Variants in PLSCR2 observed in about 807,000 individuals in gnomAD.
The protein encoded by PLSCR2 is phospholipid scramblase 2, also known as PL scramblase 2.
In PLSCR2, 18 loss-of-function variants were observed where a neutral mutation model predicts 25.3. The ratio of observed to expected loss-of-function variants is 0.71; its 90% CI spans 0.49 to 1.06. PLSCR2 has a LOEUF of 1.06. Among genes scored for constraint, PLSCR2 ranks in the 50% least tolerant of loss-of-function variants. The pLI is 0.00. For synonymous variants in PLSCR2, 88 were observed against 87.3 expected (o/e 1.01, Z -0.04); for missense variants, 243 against 269.5 (o/e 0.90, Z 0.69).
intron 1 of PLSCR2, among the ~76,000 whole-genome samples, chr3:146,481,850 CA>C (rs2043142054): frequency 6.6e-6 from 1 of 152,122 alleles, no homozygotes; most frequent in Admixed American, 6.6e-5. Context: ...TTACAGTAAC[CA>C]AAACAGCATG....
intron 3 of PLSCR2, 121 bp from the exon 4 acceptor site, chr3:146,455,580 GT>G (rs1425133300): frequency 1.6e-6 from 1 of 643,674 alleles, no homozygotes; most frequent in African/African-American, 1.8e-5. Context: ...AAAAGGAATG[GT>G]ATTTAGAGTT....
At chr3:146,438,813 C>T (rs147211605), downstream of PLSCR2, among the ~76,000 whole-genome samples, 1,853 of 152,208 alleles carry the variant, frequency 0.012, 36 homozygotes, top group African/African-American at 0.043. Context: ...TTGAACCTGT[C>T]ATTATGATGT....
intron 1 of PLSCR2, among the ~76,000 whole-genome samples, chr3:146,489,352 G>T (rs115836553): frequency 5.0e-4 from 76 of 152,162 alleles, no homozygotes; most frequent in African/African-American, 1.7e-3. Flanking sequence ...AAACAGCTAT[G>T]TGGGGAAACG....
intron 3 of PLSCR2, among the ~76,000 whole-genome samples, chr3:146,393,519 TA>T (rs2038167024): frequency 1.3e-5 from 2 of 151,734 alleles, no homozygotes; most frequent in African/African-American, 4.8e-5. Context: ...AATTGTTTGA[TA>T]AAAAGTTCAG....
At chr3:146,485,018 T>C (rs1279150599) in intron 1 of PLSCR2, among the ~76,000 whole-genome samples, 3 of 151,940 alleles carry the variant, frequency 2.0e-5, no homozygotes, top group African/African-American at 7.3e-5. Flanking sequence ...TTGAGACCCA[T>C]TGGTGTGCTG....
chr3:146,433,909 G>T (rs1484943062), intron 8 of PLSCR2, among the ~76,000 whole-genome samples: 1 of 152,180 alleles, frequency 6.6e-6, no homozygotes. Flanking sequence ...GGGGAGAGTG[G>T]CTGTTGGAGG....
Position 146,495,149 on chromosome 3 carries a change from G to A in PLSCR2, c.-293+746C>T, listed in dbSNP as rs2043702150. 4.6e-5 allele frequency: 7 copies of A among 152,266 alleles called. No homozygotes were observed. The South Asian group carries it at 1.4e-3, about 32-fold the overall frequency. The allele number at this position is 152,266 out of a possible 1,614,324, so 9.4% of individuals were successfully genotyped here. ...GGGTCAGACATATTTCATATACATG[G>A]TGATTTTCAAGTTAGATGTAAGATG... On this transcript the variant is annotated intron_variant, in intron 1 of 8. Transcript: ENST00000336685.
chr3:146,434,022 C>G (rs2039671073), intron 8 of PLSCR2, among the ~76,000 whole-genome samples: 3 of 152,142 alleles, frequency 2.0e-5, no homozygotes, highest in African/African-American at 7.2e-5. Flanking sequence ...TCAATCTTCC[C>G]TACAAAACAA....
intron 2 of PLSCR2, among the ~76,000 whole-genome samples, chr3:146,424,994 G>GTA (rs920474952): frequency 0.011 from 350 of 30,864 alleles, 3 homozygotes; most frequent in African/African-American, 0.024. Flanking sequence ...TGGAACCTCA[G>GTA]TATATATATA....
chr3:146,448,584 C>G (rs925307377), intron 6 of PLSCR2, among the ~76,000 whole-genome samples: 29 of 152,170 alleles, frequency 1.9e-4, no homozygotes, highest in African/African-American at 7.0e-4. Flanking sequence ...TTTCCATAAA[C>G]CTCAACTTTG....
rs144050323 is a variant in PLSCR2 at position 146,417,906 on chromosome 3, T to G, written c.101-21985A>C. 3.9e-5 allele frequency among the ~76,000 whole-genome samples: 6 copies of G among 152,272 alleles called. No homozygotes were observed. The East Asian group carries it at 1.2e-3, about 29-fold the overall frequency. The stretch of plus-strand genomic sequence containing the variant: ...AAAAAAATCAACACAAATGTACTGC[T>G]TTACAATTTCTGGTGGTCAGAAGTT... On this transcript the variant is annotated intron_variant and NMD_transcript_variant, in intron 2 of 3. Transcript: ENST00000463633.
intron 3 of PLSCR2, among the ~76,000 whole-genome samples, chr3:146,391,946 A>G (rs926771714): frequency 6.6e-6 from 1 of 152,122 alleles, no homozygotes; most frequent in African/African-American, 2.4e-5. Flanking sequence ...TTTTGGTACA[A>G]ATTACTCCAA....
intron 1 of PLSCR2, among the ~76,000 whole-genome samples, chr3:146,475,889 C>A (rs577549596): frequency 2.6e-5 from 4 of 152,040 alleles, no homozygotes; most frequent in Non-Finnish European, 5.9e-5. Context: ...CAGTTCTGTA[C>A]GTGCACATTT....
chr3:146,433,333 TTGA>T (rs1298655702), exon 9 of PLSCR2: 1 of 152,152 alleles, frequency 6.6e-6, no homozygotes, highest in Non-Finnish European at 1.5e-5. Flanking sequence ...TTGATAATTG[TTGA>T]TGTTTGATGA....
chr3:146,438,653 T>C (rs2040038194), downstream of PLSCR2, among the ~76,000 whole-genome samples: 1 of 152,218 alleles, frequency 6.6e-6, no homozygotes, highest in Non-Finnish European at 1.5e-5. Flanking sequence ...CCCTTTATTT[T>C]GAGCCTATGT....
chr3:146,489,162 G>A (rs1398995479), intron 1 of PLSCR2, among the ~76,000 whole-genome samples: 1 of 152,028 alleles, frequency 6.6e-6, no homozygotes, highest in Non-Finnish European at 1.5e-5. Context: ...ACTGGGGCAT[G>A]TTGGGGCAGT....
At chr3:146,423,816 C>T (rs2868438) in intron 2 of PLSCR2, among the ~76,000 whole-genome samples, 90,525 of 151,804 alleles carry the variant, frequency 0.6, 27,205 homozygotes, top group South Asian at 0.76. Context: ...AGTCAAGAAA[C>T]AGAGGTGGTC....
upstream of PLSCR2, chr3:146,462,049 T>C: frequency 6.8e-6 from 4 of 591,908 alleles, no homozygotes; most frequent in Non-Finnish European, 1.1e-5. Flanking sequence ...CTTTTATTGT[T>C]CATGGATTGA....
At chr3:146,438,697 C>T (rs562103546), downstream of PLSCR2, among the ~76,000 whole-genome samples, 1 of 152,278 alleles carries the variant, frequency 6.6e-6, no homozygotes, top group South Asian at 2.1e-4. Context: ...CTCCTGAATA[C>T]AGCACACTGA....
Sources: allele counts gnomAD v4.1 joint callset (sites outside exome capture counted in the v4.1 genomes callset), GRCh38; gene constraint gnomAD v4.1.1; transcripts MANE v1.5; gene names NCBI Gene and HGNC (gene_info 2026-07-23, HGNC 2026-07-21).